Variants in APP observed in about 807,000 individuals in gnomAD.
APP encodes amyloid beta precursor protein.
APP carries 31 observed loss-of-function variants against 101.4 expected under a neutral mutation model. The ratio of observed to expected loss-of-function variants is 0.31; its 90% CI spans 0.23 to 0.41. The LOEUF (loss-of-function observed/expected upper bound fraction) is 0.41. Among genes scored for constraint, APP ranks in the 10% least tolerant of loss-of-function variants. APP has a pLI of 1.00. For synonymous variants in APP, 366 were observed against 364.4 expected, an observed-to-expected ratio of 1.00 and a Z score of -0.05; for missense variants, 839 against 1,003.7, an observed-to-expected ratio of 0.84 and a Z score of 2.22.
At chr21:26,005,840 C>T (rs371664275) in intron 6 of APP, among the ~76,000 whole-genome samples, 1 of 152,112 alleles carries the variant, frequency 6.6e-6, no homozygotes, top group African/African-American at 2.4e-5. Flanking sequence ...AAATCAGCCA[C>T]TAAATGTAGA....
chr21:25,967,457 T>C (rs909405946), intron 11 of APP, among the ~76,000 whole-genome samples: 9 of 152,204 alleles, frequency 5.9e-5, no homozygotes, highest in African/African-American at 2.2e-4. Flanking sequence ...TAAGTATCTG[T>C]AAAAACACCA....
chr21:26,110,904 C>T (rs1188450913), intron 2 of APP, among the ~76,000 whole-genome samples: 1 of 151,858 alleles, frequency 6.6e-6, no homozygotes, highest in Non-Finnish European at 1.5e-5. Context: ...TCTTAAGATG[C>T]AGTCACATGC....
At chr21:26,016,062 G>A (rs1003391936) in intron 6 of APP, among the ~76,000 whole-genome samples, 4 of 151,562 alleles carry the variant, frequency 2.6e-5, no homozygotes, top group African/African-American at 7.3e-5. Context: ...ACGGAGTCTC[G>A]CTCTTGTCGC....
chr21:26,136,205 A>AAAGAAAGAAAGAAG (rs758175200), intron 1 of APP, among the ~76,000 whole-genome samples: 21 of 117,070 alleles, frequency 1.8e-4, no homozygotes, highest in African/African-American at 7.6e-4. Flanking sequence ...AAGAAAGAAA[A>AAAGAAAGAAAGAAG]GAAAAGAAAG....
chr21:25,882,067 A>G (rs1281311999), intron 17 of APP, among the ~76,000 whole-genome samples: 1 of 152,068 alleles, frequency 6.6e-6, no homozygotes, highest in Non-Finnish European at 1.5e-5. Context: ...AACCCAGTGC[A>G]ATGGTATTTT....
intron 6 of APP, among the ~76,000 whole-genome samples, chr21:26,018,991 C>CGATA (rs1568864074): frequency 6.6e-6 from 1 of 152,146 alleles, no homozygotes; most frequent in East Asian, 1.9e-4. Flanking sequence ...CTAATGCAGA[C>CGATA]GATAATGAGA....
At chr21:26,091,718 G>A (rs2146118452) in intron 2 of APP, among the ~76,000 whole-genome samples, 1 of 152,224 alleles carries the variant, frequency 6.6e-6, no homozygotes, top group South Asian at 2.1e-4. Flanking sequence ...AGCTGAGGTA[G>A]GGGGGCTTTT....
intron 3 of APP, among the ~76,000 whole-genome samples, chr21:26,080,032 G>A (rs1217278981): frequency 6.6e-6 from 1 of 152,090 alleles, no homozygotes; most frequent in Non-Finnish European, 1.5e-5. Flanking sequence ...GCTGAGGCAG[G>A]AGAATCACTT....
intron 1 of APP, among the ~76,000 whole-genome samples, chr21:26,120,127 G>A (rs2062533538): frequency 6.6e-6 from 1 of 152,134 alleles, no homozygotes; most frequent in Non-Finnish European, 1.5e-5. Context: ...ATTGTTCTAA[G>A]CCACTAAATT....
chr21:25,933,033 T>G (rs191136714), intron 13 of APP, among the ~76,000 whole-genome samples: 11 of 152,312 alleles, frequency 7.2e-5, no homozygotes, highest in African/African-American at 2.4e-4. Flanking sequence ...ATGAGAAAAC[T>G]TAATATATTC....
intron 2 of APP, among the ~76,000 whole-genome samples, chr21:26,106,700 C>T (rs913430577): frequency 6.6e-6 from 1 of 152,142 alleles, no homozygotes; most frequent in African/African-American, 2.4e-5. Context: ...TCAGTCCTTC[C>T]CACAGTTTAG....
rs531228103 is a variant in APP, at chr21:26,164,423, T to C, written c.57+6141A>G. Among the ~76,000 whole-genome samples, 10 of 152,374 alleles carry C rather than the reference T, an allele frequency of 6.6e-5. No individual in the cohort carries two copies. In the South Asian group the frequency reaches 1.4e-3, roughly 22 times the overall value. ...TTGAAATCTTCCATTTCTACCCAGA[T>C]TGGCAAAGCCTGTTTATTCGTTTTG... On this transcript the variant is annotated intron_variant, in intron 1 of 17. Transcript: ENST00000346798.
chr21:25,968,348 A>G (rs1170330964), intron 11 of APP, among the ~76,000 whole-genome samples: 2 of 129,916 alleles, frequency 1.5e-5, no homozygotes, highest in Non-Finnish European at 3.2e-5. Context: ...TTTTGTAGAG[A>G]TAGGGCCTTT....
rs2045156534 is a variant in APP at position 26,037,217 on chromosome 21, G to C, written c.662+13783C>G. 2.0e-5 allele frequency among the ~76,000 whole-genome samples: 3 copies of C among 152,066 alleles called. No homozygotes were observed. The South Asian group carries it at 6.2e-4, about 32-fold the overall frequency. ...ACAGAGGATGATGGAGGCTGGGAAG[G>C]GTAGGTAGAAACTGAGGATAGAGAA... On this transcript the variant is annotated intron_variant, in intron 5 of 17. Coordinates refer to ENST00000346798, the MANE Select transcript of APP (RefSeq NM_000484.4).
intron 13 of APP, among the ~76,000 whole-genome samples, chr21:25,949,401 C>A (rs1386121141): frequency 6.6e-6 from 1 of 152,134 alleles, no homozygotes; most frequent in Non-Finnish European, 1.5e-5. Context: ...GTTATCTTGG[C>A]CAACCACATC....
intron 3 of APP, among the ~76,000 whole-genome samples, chr21:26,070,121 T>C (rs1449816878): frequency 6.6e-6 from 1 of 152,240 alleles, no homozygotes; most frequent in Middle Eastern, 3.2e-3. Context: ...TAAGTATACA[T>C]GATTCATCAA....
chr21:26,083,524 T>A (rs2061639765), intron 3 of APP, among the ~76,000 whole-genome samples: 1 of 152,250 alleles, frequency 6.6e-6, no homozygotes, highest in Non-Finnish European at 1.5e-5. Context: ...TATTTTTAGC[T>A]AGTGGTTGTA....
intron 1 of APP, among the ~76,000 whole-genome samples, chr21:26,128,640 G>A (rs1451448738): frequency 6.6e-6 from 1 of 151,964 alleles, no homozygotes; most frequent in East Asian, 1.9e-4. Flanking sequence ...AATGTCAACA[G>A]TTATTACCTG....
At chr21:26,158,710 T>C (rs1007848025) in intron 1 of APP, among the ~76,000 whole-genome samples, 4 of 152,152 alleles carry the variant, frequency 2.6e-5, no homozygotes, top group African/African-American at 9.7e-5. Flanking sequence ...CCTTCACTTA[T>C]TATACCCCTG....
Sources: allele counts gnomAD v4.1 joint callset (sites outside exome capture counted in the v4.1 genomes callset), GRCh38; gene constraint gnomAD v4.1.1; transcripts MANE v1.5; gene names NCBI Gene and HGNC (gene_info 2026-07-23, HGNC 2026-07-21).